PPP1R9A: variants seen among roughly 807,000 people sequenced by gnomAD.
PPP1R9A encodes the protein neurabin-1.
A neutral mutation model predicts 141.9 loss-of-function variants in PPP1R9A; 59 were observed. That is an observed-to-expected ratio of 0.42 (90% CI 0.34 to 0.52). PPP1R9A has a LOEUF of 0.52. Ranked by LOEUF, PPP1R9A falls within the 20% of genes least tolerant of loss-of-function variation. The probability of loss-of-function intolerance (pLI) is 0.10; values close to 1 mark genes in which losing one functional copy is unlikely to be tolerated. For synonymous variants in PPP1R9A, 500 were observed against 569.7 expected (o/e 0.88, Z 1.74); for missense variants, 1,444 against 1,611.9 (o/e 0.90, Z 1.78).
chr7:95,170,096 G>A (rs561519419), intron 5 of PPP1R9A, among the ~76,000 whole-genome samples: 1 of 151,832 alleles, frequency 6.6e-6, no homozygotes, highest in South Asian at 2.1e-4. Context: ...GTTATGAAAT[G>A]TACATTGGAT....
chr7:95,225,014 G>A (rs565698764), intron 7 of PPP1R9A, among the ~76,000 whole-genome samples: 169 of 152,136 alleles, frequency 1.1e-3, no homozygotes, highest in Non-Finnish European at 1.4e-3. Context: ...TTGAATTACA[G>A]TATCATAGCT....
chr7:94,969,403 C>T (rs914246723), intron 2 of PPP1R9A, among the ~76,000 whole-genome samples: 1 of 152,098 alleles, frequency 6.6e-6, no homozygotes, highest in Non-Finnish European at 1.5e-5. Flanking sequence ...GTCAGGCCCC[C>T]CTGCTGCAGG....
chr7:94,921,540 GT>G (rs1205673471), intron 2 of PPP1R9A, among the ~76,000 whole-genome samples: 5 of 151,694 alleles, frequency 3.3e-5, no homozygotes, highest in Non-Finnish European at 7.4e-5. Flanking sequence ...GTGCAAAATT[GT>G]TTTGTAAAGG....
intron 2 of PPP1R9A, among the ~76,000 whole-genome samples, chr7:95,019,214 G>A (rs986208054): frequency 1.3e-5 from 2 of 152,110 alleles, no homozygotes; most frequent in East Asian, 3.9e-4. Context: ...GGCTAACATG[G>A]TGAAACTCCA....
intron 8 of PPP1R9A, among the ~76,000 whole-genome samples, chr7:95,230,911 A>G (rs928525153): frequency 6.6e-6 from 1 of 152,236 alleles, no homozygotes; most frequent in Admixed American, 6.5e-5. Flanking sequence ...ACATGTCAAT[A>G]CTAACATTGA....
chr7:95,082,090 C>G (rs1481175221), intron 2 of PPP1R9A, among the ~76,000 whole-genome samples: 1 of 152,130 alleles, frequency 6.6e-6, no homozygotes. Flanking sequence ...TTTTATTTGA[C>G]CTGACTCAGT....
intron 2 of PPP1R9A, among the ~76,000 whole-genome samples, chr7:94,942,803 CAATAAATAAATA>C (rs142643808): frequency 0.063 from 8,687 of 137,306 alleles, 670 homozygotes; most frequent in African/African-American, 0.18. Flanking sequence ...GACTGTCTCT[CAATAAATAAATA>C]AATAAATAAA....
At chr7:94,926,200 G>A (rs1383031349) in intron 2 of PPP1R9A, among the ~76,000 whole-genome samples, 2 of 152,162 alleles carry the variant, frequency 1.3e-5, no homozygotes, top group Admixed American at 1.3e-4. Flanking sequence ...ACAAATGAAA[G>A]CTGGGTGATT....
At chr7:95,175,873 T>A (rs542886096) in intron 5 of PPP1R9A, among the ~76,000 whole-genome samples, 47 of 152,248 alleles carry the variant, frequency 3.1e-4, no homozygotes, top group African/African-American at 1.1e-3. Flanking sequence ...AAATAATTAA[T>A]CTGAGGGTCT....
At chr7:95,017,061 C>T (rs1477675679) in intron 2 of PPP1R9A, among the ~76,000 whole-genome samples, 2 of 152,082 alleles carry the variant, frequency 1.3e-5, no homozygotes, top group Non-Finnish European at 2.9e-5. Context: ...ATTATATTCC[C>T]TCAAGCCAAG....
intron 4 of PPP1R9A, among the ~76,000 whole-genome samples, chr7:95,159,800 C>G (rs1049465462): frequency 6.6e-6 from 1 of 151,714 alleles, no homozygotes; most frequent in African/African-American, 2.4e-5. Flanking sequence ...GTGGTGCATG[C>G]CTGTAATCCC....
intron 2 of PPP1R9A, among the ~76,000 whole-genome samples, chr7:94,947,047 A>G (rs1025076217): frequency 6.6e-6 from 1 of 152,166 alleles, no homozygotes; most frequent in Non-Finnish European, 1.5e-5. Flanking sequence ...CAGACATTCT[A>G]TCTTTTTAAT....
chr7:95,085,677 A>G (rs575567104), intron 2 of PPP1R9A, among the ~76,000 whole-genome samples: 1 of 151,920 alleles, frequency 6.6e-6, no homozygotes, highest in Non-Finnish European at 1.5e-5. Context: ...GGCCTCCCAA[A>G]GTGCTGAGAT....
intron 12 of PPP1R9A, among the ~76,000 whole-genome samples, chr7:95,264,786 C>G (rs976584912): frequency 6.6e-6 from 1 of 151,930 alleles, no homozygotes; most frequent in African/African-American, 2.4e-5. Context: ...ACTGGAGGGT[C>G]TGAGAAAAAT....
At chr7:94,946,507 A>G (rs28617658) in intron 2 of PPP1R9A, among the ~76,000 whole-genome samples, 13 of 151,992 alleles carry the variant, frequency 8.6e-5, no homozygotes, top group Non-Finnish European at 1.6e-4. Context: ...TTTTCAGGTC[A>G]TGTGTCTAGG....
Position 95,288,857 on chromosome 7 carries a change from A to G in PPP1R9A, c.3912+139A>G, listed in dbSNP as rs1309702037. On this transcript the variant is annotated intron_variant, in intron 19 of 19. Transcript: ENST00000433360. The stretch of plus-strand genomic sequence containing the variant: ...CAATATTCAGCAGAAAGGATGTTGA[A>G]TTCTTTCTGAGTAGTAAATGAAGTC... The G allele has an allele frequency of 3.4e-6, 4 of 1,161,680 alleles. No individual in the cohort carries two copies. The African/African-American group carries it at 6.3e-5, about 18-fold the overall frequency. 72.0% of individuals were successfully genotyped at this position (1,161,680 alleles called of 1,614,324 possible). A position where few individuals can be genotyped will look rare whatever the true frequency, so the allele number is the denominator to read the frequency against.
In PPP1R9A at chr7:95,148,564, C is replaced by G. The variant is rs1828060944; in HGVS notation, c.1650-13303C>G. 2.0e-5 allele frequency among the ~76,000 whole-genome samples: 3 copies of G among 151,890 alleles called. No individual in the cohort carries two copies. The South Asian group carries it at 6.2e-4, about 32-fold the overall frequency. ...AATTGAATCAATATTTAACAACCAG[C>G]TGGGCACAGCAGCTCATGCCTGTAA... is the stretch of plus-strand genomic sequence containing the variant. On this transcript the variant is annotated intron_variant, in intron 4 of 19. Transcript: ENST00000433360.
At chr7:95,215,303 A>T (rs1793105759) in intron 7 of PPP1R9A, among the ~76,000 whole-genome samples, 1 of 151,986 alleles carries the variant, frequency 6.6e-6, no homozygotes, top group African/African-American at 2.4e-5. Context: ...ACATGAGCTC[A>T]TCCTTTTTTA....
At chr7:94,917,035 C>T (rs1173107493) in intron 2 of PPP1R9A, among the ~76,000 whole-genome samples, 1 of 152,048 alleles carries the variant, frequency 6.6e-6, no homozygotes, top group Non-Finnish European at 1.5e-5. Flanking sequence ...AGGCTAGTCT[C>T]GAACTCCTGA....
Sources: allele counts gnomAD v4.1 joint callset (sites outside exome capture counted in the v4.1 genomes callset), GRCh38; gene constraint gnomAD v4.1.1; transcripts MANE v1.5; gene names NCBI Gene and HGNC (gene_info 2026-07-23, HGNC 2026-07-21).